SAMD5: variants seen among roughly 807,000 people sequenced by gnomAD.
SAMD5 encodes sterile alpha motif domain containing 5, also known as sterile alpha motif domain-containing protein 5.
In SAMD5, 13 loss-of-function variants were observed where a neutral mutation model predicts 11.3. That is an observed-to-expected ratio of 1.15 (90% CI 0.75 to 1.83). SAMD5 has a LOEUF of 1.83. SAMD5 is among the 40% of genes most tolerant of loss of function. The probability of loss-of-function intolerance (pLI) is 0.00; values close to 1 mark genes in which losing one functional copy is unlikely to be tolerated. For synonymous variants in SAMD5, 129 were observed against 111.3 expected, an observed-to-expected ratio of 1.16 and a Z score of -1.00; for missense variants, 255 against 239.1, an observed-to-expected ratio of 1.07 and a Z score of -0.44.
intron 1 of SAMD5, among the ~76,000 whole-genome samples, chr6:147,620,151 C>T (rs564364727): frequency 3.3e-5 from 5 of 152,182 alleles, no homozygotes; most frequent in African/African-American, 9.7e-5. Context: ...AAGCCCCGTG[C>T]GTTCCATCCT....
At chr6:147,588,053 C>T (rs1191235214) in intron 1 of SAMD5, among the ~76,000 whole-genome samples, 2 of 151,996 alleles carry the variant, frequency 1.3e-5, no homozygotes, top group East Asian at 3.9e-4. Context: ...TGTGTGTGCT[C>T]CTAGGGTTTA....
At chr6:147,664,987 C>T (rs17258897) in intron 1 of SAMD5, among the ~76,000 whole-genome samples, 6,374 of 151,992 alleles carry the variant, frequency 0.042, 154 homozygotes, top group South Asian at 0.053. Flanking sequence ...TTAGTGTCTC[C>T]CAAGATTGTA....
At chr6:147,920,649 T>C in the SAMD5 span, among the ~76,000 whole-genome samples, 2 of 152,188 alleles carry the variant, frequency 1.3e-5, no homozygotes, top group Non-Finnish European at 2.9e-5. Context: ...TTTTCTTCAA[T>C]TTTTAAAAAA....
chr6:147,935,961 C>A, the SAMD5 span, among the ~76,000 whole-genome samples: 6 of 152,156 alleles, frequency 3.9e-5, no homozygotes, highest in African/African-American at 1.4e-4. Context: ...TTAGAAATCC[C>A]TGGGTAGCCT....
chr6:147,748,965 G>A, the SAMD5 span, among the ~76,000 whole-genome samples: 6 of 152,108 alleles, frequency 3.9e-5, no homozygotes, highest in African/African-American at 7.2e-5. Flanking sequence ...GGTACTCTCC[G>A]TTTATTGACT....
At chr6:147,602,613 G>A (rs932670495) in intron 1 of SAMD5, among the ~76,000 whole-genome samples, 13 of 152,076 alleles carry the variant, frequency 8.5e-5, no homozygotes, top group East Asian at 1.9e-4. Context: ...ACATGGTGGC[G>A]GTTGCCTGTA....
intron 1 of SAMD5, among the ~76,000 whole-genome samples, chr6:147,600,199 G>A (rs1222095756): frequency 1.3e-5 from 2 of 152,148 alleles, no homozygotes; most frequent in Non-Finnish European, 2.9e-5. Context: ...TCGTAGGAAT[G>A]GTTCCTCATG....
the SAMD5 span, among the ~76,000 whole-genome samples, chr6:147,745,541 G>A: frequency 6.6e-6 from 1 of 152,166 alleles, no homozygotes; most frequent in African/African-American, 2.4e-5. Context: ...GTTTTCCAGA[G>A]GGGATAGATG....
At chr6:147,560,226 A>G (rs1788926783) in intron 1 of SAMD5, among the ~76,000 whole-genome samples, 1 of 152,160 alleles carries the variant, frequency 6.6e-6, no homozygotes, top group Admixed American at 6.5e-5. Flanking sequence ...CTCTCCATGC[A>G]AATTCCCACC....
the SAMD5 span, among the ~76,000 whole-genome samples, chr6:147,913,176 A>G: frequency 1.3e-5 from 2 of 152,186 alleles, no homozygotes; most frequent in East Asian, 3.8e-4. Flanking sequence ...ACCTGATTGT[A>G]TTTTAAATGA....
chr6:147,614,496 A>C (rs1424692658), intron 1 of SAMD5, among the ~76,000 whole-genome samples: 1 of 151,906 alleles, frequency 6.6e-6, no homozygotes, highest in Non-Finnish European at 1.5e-5. Context: ...GCTGATAAAA[A>C]CCAGCAAATG....
intron 1 of SAMD5, among the ~76,000 whole-genome samples, chr6:147,643,735 G>GGGAAGGAAAGAA (rs1205087343): frequency 2.1e-4 from 21 of 102,158 alleles, no homozygotes; most frequent in African/African-American, 6.8e-4. Context: ...AAGAGAAAGA[G>GGGAAGGAAAGAA]GGAAGGAAAG....
intron 1 of SAMD5, among the ~76,000 whole-genome samples, chr6:147,651,477 C>A (rs893193197): frequency 2.6e-5 from 4 of 152,030 alleles, no homozygotes; most frequent in African/African-American, 9.7e-5. Flanking sequence ...AGAGGTGGGG[C>A]CTTTGGGGAG....
chr6:147,700,428 C>A (rs1791237022), intron 1 of SAMD5, among the ~76,000 whole-genome samples: 1 of 152,152 alleles, frequency 6.6e-6, no homozygotes. Flanking sequence ...ATCTAAGTCC[C>A]AGAGGAGTTC....
Position 147,551,734 on chromosome 6 carries a change from T to A in SAMD5, c.460-12660T>A, listed in dbSNP as rs140990338. Among the ~76,000 whole-genome samples the A allele has an allele frequency of 8.0e-5, 12 of 150,668 alleles. No individual in the cohort carries two copies. The East Asian group carries it at 2.3e-3, about 29-fold the overall frequency. ...CAGTAATGTGAAAGGTTATTTTTTA[T>A]TCGATCTCAAACGAAATGAAAAGCA... On this transcript the variant is annotated intron_variant, in intron 1 of 1. Coordinates refer to ENST00000367474, the MANE Select transcript of SAMD5 (RefSeq NM_001030060.3).
the SAMD5 span, among the ~76,000 whole-genome samples, chr6:147,789,148 C>T: frequency 2.6e-5 from 4 of 151,678 alleles, no homozygotes; most frequent in Non-Finnish European, 4.4e-5. Context: ...TGCCCGTAAT[C>T]CCAGCACTTT....
chr6:147,658,409 GTTTA>G (rs903199226), intron 1 of SAMD5, among the ~76,000 whole-genome samples: 8 of 151,752 alleles, frequency 5.3e-5, no homozygotes, highest in African/African-American at 1.2e-4. Flanking sequence ...CAAGATGATG[GTTTA>G]TTTATTTATT....
chr6:147,609,179 A>G (rs868323999), intron 1 of SAMD5, among the ~76,000 whole-genome samples: 48 of 152,320 alleles, frequency 3.2e-4, no homozygotes, highest in Admixed American at 7.2e-4. Flanking sequence ...GACCTTAATG[A>G]GATAATCAAG....
At chr6:147,689,503 A>G (rs1015811283) in intron 1 of SAMD5, among the ~76,000 whole-genome samples, 1 of 152,242 alleles carries the variant, frequency 6.6e-6, no homozygotes, top group African/African-American at 2.4e-5. Context: ...TATATAAAAC[A>G]TAGAAGTTAT....
Sources: allele counts gnomAD v4.1 joint callset (sites outside exome capture counted in the v4.1 genomes callset), GRCh38; gene constraint gnomAD v4.1.1; transcripts MANE v1.5; gene names NCBI Gene and HGNC (gene_info 2026-07-23, HGNC 2026-07-21).